Variants in CSMD1 observed in about 807,000 individuals in gnomAD.
The protein encoded by CSMD1 is CUB and sushi domain-containing protein 1.
Under a neutral mutation model 417.5 loss-of-function variants are expected in CSMD1, and 213 were observed. The ratio of observed to expected loss-of-function variants is 0.51; its 90% CI spans 0.46 to 0.57. The LOEUF is 0.57. CSMD1 is among the 20% of genes least tolerant of loss of function. The pLI, the probability that CSMD1 is intolerant of heterozygous loss-of-function variation, is 0.00. For missense variants in CSMD1, 6,923 were observed against 4,529.7 expected (o/e 1.53, Z -15.17); for synonymous variants, 2,862 against 1,736.8 (o/e 1.65, Z -16.11).
chr8:4,833,535 A>G (rs1013646652), intron 1 of CSMD1, among the ~76,000 whole-genome samples: 1 of 152,218 alleles, frequency 6.6e-6, no homozygotes, highest in Non-Finnish European at 1.5e-5. Flanking sequence ...ACCCACTAAC[A>G]GTTGCTGTTA....
intron 5 of CSMD1, among the ~76,000 whole-genome samples, chr8:3,984,704 CATATATATATATATATATATATAT>C (rs59669026): frequency 0.025 from 2,040 of 82,828 alleles, 61 homozygotes; most frequent in East Asian, 0.055. Context: ...GTGTATATAT[CATATATATATATATATATATATAT>C]ATATATATAT....
At chr8:3,355,947 T>C (rs1585045517) in intron 21 of CSMD1, among the ~76,000 whole-genome samples, 1 of 152,172 alleles carries the variant, frequency 6.6e-6, no homozygotes, top group Non-Finnish European at 1.5e-5. Flanking sequence ...ACTATTTCTA[T>C]CATCCTAAAT....
chr8:3,318,705 G>A (rs1376552573), intron 23 of CSMD1, among the ~76,000 whole-genome samples: 1 of 152,088 alleles, frequency 6.6e-6, no homozygotes, highest in Admixed American at 6.6e-5. Flanking sequence ...TTGCTTTTTG[G>A]GTGGTGGTCA....
intron 5 of CSMD1, among the ~76,000 whole-genome samples, chr8:3,861,949 C>T (rs140241453): frequency 5.9e-5 from 9 of 152,186 alleles, no homozygotes; most frequent in African/African-American, 2.2e-4. Context: ...ATCTTTGTAC[C>T]CTGGTTTAAT....
chr8:4,944,920 C>T (rs948286706), intron 1 of CSMD1, among the ~76,000 whole-genome samples: 1 of 152,006 alleles, frequency 6.6e-6, no homozygotes, highest in African/African-American at 2.4e-5. Flanking sequence ...TCAAAACAGT[C>T]GACATCAGGG....
intron 6 of CSMD1, among the ~76,000 whole-genome samples, chr8:3,726,735 A>G (rs1802520986): frequency 1.3e-5 from 2 of 152,124 alleles, no homozygotes; most frequent in Non-Finnish European, 2.9e-5. Context: ...ACCAGAGGGA[A>G]CTTGCCAGTC....
intron 3 of CSMD1, among the ~76,000 whole-genome samples, chr8:4,259,429 A>T (rs1358969495): frequency 3.3e-5 from 5 of 152,170 alleles, no homozygotes; most frequent in Non-Finnish European, 4.4e-5. Flanking sequence ...TTATACCAGG[A>T]CCCATCCCAG....
chr8:4,452,024 C>T (rs1799176865), intron 2 of CSMD1, among the ~76,000 whole-genome samples: 2 of 151,310 alleles, frequency 1.3e-5, no homozygotes, highest in South Asian at 4.2e-4. Flanking sequence ...TTTAGGCAGC[C>T]TGCCTTCTCA....
At chr8:4,285,516 C>G (rs1402243899) in intron 3 of CSMD1, among the ~76,000 whole-genome samples, 1 of 152,130 alleles carries the variant, frequency 6.6e-6, no homozygotes, top group Non-Finnish European at 1.5e-5. Context: ...GAAGACAGAT[C>G]TCTTGTTTTC....
intron 10 of CSMD1, among the ~76,000 whole-genome samples, chr8:3,570,380 G>A (rs1367521145): frequency 6.6e-6 from 1 of 152,110 alleles, no homozygotes; most frequent in Non-Finnish European, 1.5e-5. Context: ...GTGGCAATTG[G>A]ACCACAGGCA....
At chr8:3,429,802 T>C (rs1014535511) in intron 12 of CSMD1, among the ~76,000 whole-genome samples, 1 of 152,198 alleles carries the variant, frequency 6.6e-6, no homozygotes, top group South Asian at 2.1e-4. Context: ...ACCTTACCTA[T>C]AATAAATTAC....
At chr8:4,321,925 T>C (rs1397974194) in intron 3 of CSMD1, among the ~76,000 whole-genome samples, 1 of 152,118 alleles carries the variant, frequency 6.6e-6, no homozygotes, top group Non-Finnish European at 1.5e-5. Context: ...TTACAGTATA[T>C]TTTTATTTCT....
intron 5 of CSMD1, among the ~76,000 whole-genome samples, chr8:3,755,900 AG>A (rs1797629251): frequency 6.6e-6 from 1 of 152,114 alleles, no homozygotes; most frequent in African/African-American, 2.4e-5. Context: ...GCTGACTCCA[AG>A]GCATATTTAA....
At chr8:4,141,198 A>G (rs1444901261) in intron 3 of CSMD1, among the ~76,000 whole-genome samples, 1 of 151,192 alleles carries the variant, frequency 6.6e-6, no homozygotes, top group Non-Finnish European at 1.5e-5. Context: ...CAGCCTTGTG[A>G]TCTATCAGAA....
chr8:3,206,384 T>C (rs1797262923), intron 30 of CSMD1, among the ~76,000 whole-genome samples: 1 of 131,220 alleles, frequency 7.6e-6, no homozygotes, highest in African/African-American at 2.9e-5. Flanking sequence ...TGTCTGTGTG[T>C]GTGTATGTGT....
At chr8:4,306,207 C>A (rs946176523) in intron 3 of CSMD1, among the ~76,000 whole-genome samples, 1 of 152,304 alleles carries the variant, frequency 6.6e-6, no homozygotes, top group East Asian at 1.9e-4. Flanking sequence ...CTAGTGTGCT[C>A]TTCAGAAAAG....
intron 10 of CSMD1, among the ~76,000 whole-genome samples, chr8:3,526,947 T>C (rs1304953818): frequency 6.6e-6 from 1 of 152,182 alleles, no homozygotes; most frequent in African/African-American, 2.4e-5. Context: ...TCTTTGTCAA[T>C]GAGTCTATGT....
At chr8:3,849,666 G>A (rs1803755296) in intron 5 of CSMD1, among the ~76,000 whole-genome samples, 1 of 152,120 alleles carries the variant, frequency 6.6e-6, no homozygotes, top group African/African-American at 2.4e-5. Flanking sequence ...GGGAGGGGTC[G>A]ATTTTAGTGA....
chr8:4,608,186 A>C (rs935030465), intron 2 of CSMD1, among the ~76,000 whole-genome samples: 1 of 152,164 alleles, frequency 6.6e-6, no homozygotes, highest in Non-Finnish European at 1.5e-5. Context: ...CAAAGTAAAG[A>C]GTTTGACTTC....
Sources: gnomAD v4.1 joint callset for allele counts (sites outside exome capture counted in the v4.1 genomes callset) on GRCh38, gnomAD v4.1.1 for gene constraint, MANE v1.5 for transcripts, NCBI Gene and HGNC (gene_info 2026-07-23, HGNC 2026-07-21) for gene names.